Variants in ALOXE3 observed in about 807,000 individuals in gnomAD.
The protein encoded by ALOXE3 is arachidonate epidermal lipoxygenase 3.
A neutral mutation model predicts 87.5 loss-of-function variants in ALOXE3; 78 were observed. The observed-to-expected ratio is 0.89, with a 90% CI of 0.74 to 1.08. The LOEUF is 1.08. ALOXE3 is among the 50% of genes least tolerant of loss of function. ALOXE3 has a pLI of 0.00. For missense variants in ALOXE3, 946 were observed against 912.4 expected (o/e 1.04, Z -0.47); for synonymous variants, 363 against 370.8 (o/e 0.98, Z 0.24).
chr17:8,098,461 A>T (rs917673433), intron 15 of ALOXE3, among the ~76,000 whole-genome samples: 1 of 151,344 alleles, frequency 6.6e-6, no homozygotes, highest in African/African-American at 2.4e-5. Context: ...GCTGGTCTTG[A>T]ACTCCAAACC....
chr17:8,109,110 G>A, intron 12 of ALOXE3, 64 bp downstream of exon 12: 1 of 1,601,414 alleles, frequency 6.2e-7, no homozygotes, highest in Non-Finnish European at 8.5e-7. Flanking sequence ...ATGAGCGCAG[G>A]GACCACAATG....
chr17:8,118,122 GA>G lies in ALOXE3; in HGVS notation c.-133del. The G allele has an allele frequency of 6.4e-7, 1 of 1,552,048 alleles. No homozygotes were observed. The highest frequency in any genetic ancestry group is 8.7e-7 in the Non-Finnish European group (1 of 1,147,626). ...AGGGGCTGCGGGGCTGGGTAGGGCT[GA>G]GGATGGGCCCAGCTCTCTCTGGGAT... On this transcript the variant is annotated 5_prime_UTR_variant, in exon 2 of 16. Transcript: ENST00000448843.
chr17:8,103,896 C>A (rs1979090340), intron 14 of ALOXE3, among the ~76,000 whole-genome samples: 1 of 152,120 alleles, frequency 6.6e-6, no homozygotes, highest in African/African-American at 2.4e-5. Flanking sequence ...GTTCTTCTCC[C>A]AAATTAACAT....
At position 8,103,477 on chromosome 17, in the gene ALOXE3, C is replaced by T. The variant is rs1443010928; in HGVS notation, c.1802G>A (p.Trp601Ter). The T allele has an allele frequency of 1.2e-6, 2 of 1,613,982 alleles. No homozygotes were observed. The highest frequency in any genetic ancestry group is 2.7e-5 in the African/African-American group (2 of 74,902). ...VNSGQHDFGA[W>*]MPNAPSSMRQ... is the part of the protein sequence containing the mutation. Reference sequence around the variant, plus strand: ...CATGGATGATGGAGCATTGGGCATCCAGGCCCCAAAGTCATGCTGTGGAGA... The same window carrying T: ...CATGGATGATGGAGCATTGGGCATCTAGGCCCCAAAGTCATGCTGTGGAGA... Residue 601 changes from tryptophan to a stop codon, truncating the protein, a stop_gained, in exon 15 of 16, where the codon TGG becomes TAG. Coordinates refer to ENST00000448843, the MANE Select transcript of ALOXE3 (RefSeq NM_021628.3). LOFTEE classifies it high-confidence loss of function.
chr17:8,114,125 T>C (rs947554486), intron 6 of ALOXE3, among the ~76,000 whole-genome samples: 4 of 151,556 alleles, frequency 2.6e-5, no homozygotes, highest in African/African-American at 9.7e-5. Flanking sequence ...CCAGGAACGA[T>C]GTCACCTGGG....
At chr17:8,106,019 G>T (rs7209343) in intron 13 of ALOXE3, among the ~76,000 whole-genome samples, 114,726 of 149,808 alleles carry the variant, frequency 0.77, 44,073 homozygotes, top group Non-Finnish European at 0.8. Context: ...GCAGAGGCAT[G>T]CAGGGCCATG....
chr17:8,103,569 C>T (rs921709969), intron 14 of ALOXE3, 76 bp from the exon 15 acceptor site: 4 of 1,493,838 alleles, frequency 2.7e-6, no homozygotes, highest in Non-Finnish European at 2.8e-6. Context: ...ATCCCTGATT[C>T]CACCTCTGCC....
At chr17:8,110,973 TCCTAGTTCTC>T (rs1980024215) in intron 8 of ALOXE3, among the ~76,000 whole-genome samples, 1 of 152,168 alleles carries the variant, frequency 6.6e-6, no homozygotes, top group Admixed American at 6.5e-5. Flanking sequence ...ACCTCAGAGC[TCCTAGTTCTC>T]CGTGATCTTC....
Position 8,104,134 on chromosome 17 carries a change from G to A in ALOXE3, c.1766C>T (p.Ala589Val). 1 of 1,613,908 alleles carries A rather than the reference G, an allele frequency of 6.2e-7. No individual in the cohort carries two copies. The highest frequency in any genetic ancestry group is 8.5e-7 in the Non-Finnish European group (1 of 1,179,968). ...AIIFNCSAQH[A>V]AVNSGQHDFG... is the part of the protein sequence containing the mutation. ...CCTCACCTGCCCACTGTTGACAGCA[G>A]CGTGCTGGGCAGAGCAATTGAAGAT... Residue 589 changes from alanine (A) to valine (V), a missense_variant, in exon 14 of 16, where the codon GCT (alanine) becomes GTT (valine). By Grantham distance (64) the Ala-to-Val change is moderately conservative. Coordinates refer to ENST00000448843, the MANE Select transcript of ALOXE3 (RefSeq NM_021628.3).
At chr17:8,115,338 T>C (rs1980493551) in intron 4 of ALOXE3, among the ~76,000 whole-genome samples, 1 of 152,184 alleles carries the variant, frequency 6.6e-6, no homozygotes, top group African/African-American at 2.4e-5. Flanking sequence ...TGGTGGATAC[T>C]TCAGGTCACT....
rs766655883 is a variant in ALOXE3, at chr17:8,115,073, G to A, written c.435-16C>T. ...GATCTTCCAGCTTCCGAGGGAAAGA[G>A]GTCAGAGGTGGCAGGTCATGCTCGG... On this transcript the variant is annotated splice_polypyrimidine_tract_variant and intron_variant, in intron 4 of 15. Transcript: ENST00000448843. The A allele has an allele frequency of 2.5e-5, 40 of 1,614,036 alleles. No individual in the cohort carries two copies. In the East Asian group the frequency reaches 8.2e-4, roughly 33 times the overall value.
intron 8 of ALOXE3, 94 bp downstream of exon 8, chr17:8,111,265 G>A (rs1980055332): frequency 1.3e-6 from 2 of 1,497,352 alleles, no homozygotes; most frequent in South Asian, 1.1e-5. Flanking sequence ...ATGCAGCCCA[G>A]GCCATTTCCA....
intron 13 of ALOXE3, among the ~76,000 whole-genome samples, chr17:8,106,677 T>C (rs1979336585): frequency 6.6e-6 from 1 of 151,930 alleles, no homozygotes; most frequent in African/African-American, 2.4e-5. Context: ...AATACAAAAA[T>C]TATCCGGGCG....
chr17:8,107,508 C>T (rs547259396), intron 13 of ALOXE3, among the ~76,000 whole-genome samples: 1 of 152,128 alleles, frequency 6.6e-6, no homozygotes, highest in Non-Finnish European at 1.5e-5. Context: ...CAAAGTAAGA[C>T]TCTGTCTCGC....
Position 8,108,898 on chromosome 17 carries a change from G to A in ALOXE3, c.1562+276C>T, listed in dbSNP as rs530979458. 9.9e-4 allele frequency among the ~76,000 whole-genome samples: 151 copies of A among 152,138 alleles called. 1 individual carries two copies. The highest frequency in any genetic ancestry group is 3.5e-3 in the African/African-American group (144 of 41,484). ...AGGAAGGAAGACCTGCCTGCCACAG[G>A]CCCCAGCCCATGCTTAAATGATGCA... On this transcript the variant is annotated intron_variant, in intron 12 of 15. Coordinates refer to ENST00000448843, the MANE Select transcript of ALOXE3 (RefSeq NM_021628.3).
chr17:8,117,461 C>T (rs763508194), intron 2 of ALOXE3, among the ~76,000 whole-genome samples: 13 of 152,228 alleles, frequency 8.5e-5, no homozygotes, highest in Non-Finnish European at 1.9e-4. Flanking sequence ...GTGGGCACTG[C>T]ATTTCACTAG....
At chr17:8,109,784 G>A in intron 11 of ALOXE3, 132 bp downstream of exon 11, 1 of 909,282 alleles carries the variant, frequency 1.1e-6, no homozygotes, top group Non-Finnish European at 1.7e-6. Context: ...GGAAGAGGCA[G>A]TGATTGTACA....
Position 8,116,879 on chromosome 17 carries a change from G to C in ALOXE3, c.249C>G (p.Tyr83Ter). ...GTTCGGTGACACAGATGCGGCTACA[G>C]TACCAAGAGTCCTTGCGGAAGAAAG... ...RYAFFRKDSW[Y>*]CSRICVTEPD... Residue 83 changes from tyrosine (Y) to a stop codon, truncating the protein, a stop_gained, in exon 3 of 16, where the codon TAC becomes TAG. Coordinates refer to ENST00000448843, the MANE Select transcript of ALOXE3 (RefSeq NM_021628.3). LOFTEE classifies it high-confidence loss of function. The C allele has an allele frequency of 6.2e-7, 1 of 1,614,236 alleles. No homozygotes were observed. Among genetic ancestry groups the C allele is most frequent in the East Asian group, 2.2e-5 (1 of 44,882 alleles).
chr17:8,110,564 T>C (rs1979986177), intron 8 of ALOXE3, 36 bp from the exon 9 acceptor site: 1 of 1,613,006 alleles, frequency 6.2e-7, no homozygotes, highest in African/African-American at 1.3e-5. Flanking sequence ...TGTCCCTCCC[T>C]ACTCGCGCTC....
Sources: allele counts gnomAD v4.1 joint callset (sites outside exome capture counted in the v4.1 genomes callset), GRCh38; gene constraint gnomAD v4.1.1; transcripts MANE v1.5; gene names NCBI Gene and HGNC (gene_info 2026-07-23, HGNC 2026-07-21).